Variants in ZNF709 observed in about 807,000 individuals in gnomAD.
ZNF709 encodes the protein zinc finger protein 709.
ZNF709 carries 15 observed loss-of-function variants against 10.6 expected under a neutral mutation model. The observed-to-expected ratio is 1.41, with a 90% CI of 0.95 to 2.18. The LOEUF (loss-of-function observed/expected upper bound fraction) is 2.18, where lower values mean the gene tolerates loss of function less well. ZNF709 is among the 30% of genes most tolerant of loss of function. The pLI, the probability that ZNF709 is intolerant of heterozygous loss-of-function variation, is 0.00. For missense variants in ZNF709, 589 were observed against 774.0 expected, an observed-to-expected ratio of 0.76 and a Z score of 2.84; for synonymous variants, 194 against 238.8, an observed-to-expected ratio of 0.81 and a Z score of 1.73.
chr19:12,464,937 T>A lies in ZNF709; in HGVS notation c.985A>T (p.Ile329Phe). The A allele has an allele frequency of 1.2e-6, 2 of 1,604,418 alleles. No homozygotes were observed. Among genetic ancestry groups the A allele is most frequent in the Middle Eastern group, 1.7e-4 (1 of 5,986 alleles). The change falls in exon 4 of 4, where the codon ATT (isoleucine) becomes TTT (phenylalanine). Residue 329 changes from isoleucine to phenylalanine, a missense_variant. Ile to Phe is a conservative substitution (Grantham distance 21). Coordinates refer to ENST00000397732, the MANE Select transcript of ZNF709 (RefSeq NM_152601.4). ...TCATAGGGTTTCTCTCCTGTATGAA[T>A]TCTTTCATGTTTTCTAAAGGAACTA... ...FPSSFRKHER[I>F]HTGEKPYDCK...
At chr19:12,469,381 C>CT (rs1440406199) in intron 1 of ZNF709, among the ~76,000 whole-genome samples, 1 of 152,144 alleles carries the variant, frequency 6.6e-6, no homozygotes, top group East Asian at 1.9e-4. Flanking sequence ...CCCAGTGTTT[C>CT]TTTTTTCTCC....
rs772871511 is a variant in ZNF709 at position 12,465,015 on chromosome 19, T to C, written c.907A>G (p.Thr303Ala). Residue 303 changes from threonine (T) to alanine (A), a missense_variant, in exon 4 of 4, where the codon ACT becomes GCT. By Grantham distance (58) the Thr-to-Ala change is moderately conservative. This residue lies in a region of ZNF709 where 418 missense variants were observed against 496.3 expected (regional missense o/e 0.84). Coordinates refer to ENST00000397732, the MANE Select transcript of ZNF709 (RefSeq NM_152601.4). ...TTACATTTATAGGGTTTTTCTCCAG[T>C]GTGAATCCTTTCATGACTTCGAAAG... ...TSFRSHERIHTGEKPYKCKKC... is the reference protein window; with the variant it reads ...TSFRSHERIHAGEKPYKCKKC... 2 of 1,611,570 alleles carry C rather than the reference T, an allele frequency of 1.2e-6. No individual in the cohort carries two copies. The highest frequency in any genetic ancestry group is 1.7e-6 in the Non-Finnish European group (2 of 1,179,256).
intron 1 of ZNF709, among the ~76,000 whole-genome samples, chr19:12,470,561 C>T (rs1970626479): frequency 6.6e-6 from 1 of 152,136 alleles, no homozygotes; most frequent in Non-Finnish European, 1.5e-5. Flanking sequence ...GGTCTCCAAA[C>T]ATTTGTTGTC....
Position 12,465,740 on chromosome 19 carries a change from G to T in ZNF709, c.189-7C>A. The T allele has an allele frequency of 1.3e-6, 2 of 1,483,144 alleles. No individual in the cohort carries two copies. The highest frequency in any genetic ancestry group is 1.8e-6 in the Non-Finnish European group (2 of 1,122,084). 91.9% of individuals were successfully genotyped at this position (1,483,144 alleles called of 1,614,324 possible). On this transcript the variant is annotated splice_polypyrimidine_tract_variant and splice_region_variant and intron_variant, in intron 3 of 3. Coordinates refer to ENST00000397732, the MANE Select transcript of ZNF709 (RefSeq NM_152601.4). ...CCTCTCTACCATATGACTTCTGTGA[G>T]AAAAAAACAAAACAAAACGCACAAT...
Position 12,479,264 on chromosome 19 carries a change from T to C in ZNF709, c.3+5391A>G, listed in dbSNP as rs1970701415. On this transcript the variant is annotated intron_variant, in intron 1 of 3. Transcript: ENST00000397732. ...GCTGCAATGAGCTATCATCATGTCA[T>C]TGTACTCCAGCCTGGGCAACAGAAC... Among the ~76,000 whole-genome samples, 5 of 152,144 alleles carry C rather than the reference T, an allele frequency of 3.3e-5. No individual in the cohort carries two copies. The South Asian group carries it at 1.0e-3, about 32-fold the overall frequency.
chr19:12,483,174 G>C (rs1234531617), intron 1 of ZNF709, among the ~76,000 whole-genome samples: 6 of 152,096 alleles, frequency 3.9e-5, no homozygotes, highest in Admixed American at 6.6e-5. Flanking sequence ...CAAGGTGTGA[G>C]ACCTTGCTCA....
rs1970558942 is a variant in ZNF709 at position 12,465,266 on chromosome 19, G to A, written c.656C>T (p.Thr219Ile). The A allele has an allele frequency of 3.1e-6, 5 of 1,612,882 alleles. No homozygotes were observed. Among genetic ancestry groups the A allele is most frequent in the Non-Finnish European group, 3.4e-6 (4 of 1,179,450 alleles). Residue 219 changes from threonine (T) to isoleucine (I), a missense_variant, in exon 4 of 4, where the codon ACA (threonine) becomes ATA (isoleucine). By Grantham distance (89) the Thr-to-Ile change is moderately conservative. Around this residue, in one of 2 missense-constraint regions of ZNF709, gnomAD observed 418 missense variants for 496.3 expected, o/e 0.84. Coordinates refer to ENST00000397732, the MANE Select transcript of ZNF709 (RefSeq NM_152601.4). ...TTTACATTTATAGGGTTTCTCCCCT[G>A]TGTGCATTCTCATGTGTCCTCGAAA... is the stretch of plus-strand genomic sequence containing the variant. ...TTFRGHMRMH[T>I]GEKPYKCKEC...
Position 12,464,254 on chromosome 19 carries a change from T to A in ZNF709, c.1668A>T (p.Gly556=). The change falls in exon 4 of 4, where the codon GGA becomes GGT. Residue 556 remains glycine (G), a synonymous_variant. Coordinates refer to ENST00000397732, the MANE Select transcript of ZNF709 (RefSeq NM_152601.4). The part of the protein sequence containing the change: ...SIRIHERTHT[G]EKPYECKQCG... ...ATTGTTTACACTCATAAGGTTTCTC[T>A]CCAGTGTGAGTCCTTTCATGTATTC... 6.3e-7 allele frequency: 1 copy of A among 1,599,820 alleles called. No individual in the cohort carries two copies. Among genetic ancestry groups the A allele is most frequent in the Non-Finnish European group, 8.5e-7 (1 of 1,173,508 alleles).
At chr19:12,481,072 C>A (rs571603759) in intron 1 of ZNF709, 1 of 705,250 alleles carries the variant, frequency 1.4e-6, no homozygotes, top group Non-Finnish European at 1.7e-6. Flanking sequence ...GCATGAGCCA[C>A]GATGCCTGGC....
Position 12,484,675 on chromosome 19 carries a change from G to T in ZNF709, c.-18C>A, listed in dbSNP as rs1239683247. 1 of 1,613,996 alleles carries T rather than the reference G, an allele frequency of 6.2e-7. No homozygotes were observed. The highest frequency in any genetic ancestry group is 1.1e-5 in the South Asian group (1 of 91,072). ...CTTACCATTTCCCAGACTCTGGGATGTCCTGGTGTTCTGTTTACCTCTCCC... is the reference window on the plus strand; with the variant it reads ...CTTACCATTTCCCAGACTCTGGGATTTCCTGGTGTTCTGTTTACCTCTCCC... On this transcript the variant is annotated 5_prime_UTR_variant, in exon 1 of 4. Transcript: ENST00000397732.
intron 1 of ZNF709, among the ~76,000 whole-genome samples, chr19:12,467,246 T>A (rs1427069582): frequency 6.6e-6 from 1 of 152,168 alleles, no homozygotes; most frequent in African/African-American, 2.4e-5. Context: ...TGCCTGATTC[T>A]CCTGCCTCAG....
chr19:12,466,542 T>A (rs373410635), intron 2 of ZNF709, 23 bp from the exon 3 acceptor site: 1 of 1,612,998 alleles, frequency 6.2e-7, no homozygotes, highest in African/African-American at 1.3e-5. Flanking sequence ...CCCAGAAAAA[T>A]CATTAAACCT....
chr19:12,466,826 C>T lies in ZNF709; in HGVS notation c.28G>A (p.Ala10Thr). 1 of 1,613,846 alleles carries T rather than the reference C, an allele frequency of 6.2e-7. No homozygotes were observed. The highest frequency in any genetic ancestry group is 8.5e-7 in the Non-Finnish European group (1 of 1,179,838). ...CACTCCTCCTGGGTGAAGTTCACAG[C>T]CACATCCTCAAAGACCACTGAGTCC... MDSVVFEDV[A>T]VNFTQEEWAL... Residue 10 changes from alanine to threonine, a missense_variant, in exon 2 of 4, where the codon GCT becomes ACT. Ala to Thr is a moderately conservative substitution (Grantham distance 58). Around this residue, in one of 2 missense-constraint regions of ZNF709, gnomAD observed 418 missense variants for 496.3 expected, o/e 0.84. Transcript: ENST00000397732.
At chr19:12,474,886 T>C (rs1031966040) in intron 1 of ZNF709, among the ~76,000 whole-genome samples, 1 of 152,078 alleles carries the variant, frequency 6.6e-6, no homozygotes, top group Non-Finnish European at 1.5e-5. Flanking sequence ...TCAACTCTAG[T>C]ATAAAAGCTA....
intron 1 of ZNF709, among the ~76,000 whole-genome samples, chr19:12,474,014 C>G (rs546898299): frequency 7.8e-4 from 119 of 152,150 alleles, no homozygotes; most frequent in Non-Finnish European, 1.3e-3. Flanking sequence ...CCATTGCACT[C>G]CAGCCTGGAT....
chr19:12,467,403 G>A (rs1377022545), intron 1 of ZNF709, among the ~76,000 whole-genome samples: 3 of 152,176 alleles, frequency 2.0e-5, no homozygotes, highest in Non-Finnish European at 2.9e-5. Flanking sequence ...TCGGCCTCCC[G>A]AGGTGCCGTG....
Position 12,484,160 on chromosome 19 carries a change from G to A in ZNF709, c.3+495C>T, listed in dbSNP as rs189114917. Among the ~76,000 whole-genome samples the A allele has an allele frequency of 3.9e-3, 594 of 152,346 alleles. 2 individuals are homozygous for A. The highest frequency in any genetic ancestry group is 0.014 in the African/African-American group (564 of 41,586). ...TTTGAAAGAGATCTAGAAATTTAGG[G>A]ATTTAATCCCAGCTCTGGGAAGAGC... On this transcript the variant is annotated intron_variant, in intron 1 of 3. Transcript: ENST00000397732.
At position 12,462,173 on chromosome 19, in the gene ZNF709, T is replaced by C. The variant is rs772136622; in HGVS notation, c.*1823A>G. ...AAGCAGTTAGTGGTGGTTCTAAGAATACTCTCAATTGGCAGAGCAAAGGAT... is the reference window on the plus strand; with the variant it reads ...AAGCAGTTAGTGGTGGTTCTAAGAACACTCTCAATTGGCAGAGCAAAGGAT... On this transcript the variant is annotated 3_prime_UTR_variant, in exon 4 of 4. Coordinates refer to ENST00000397732, the MANE Select transcript of ZNF709 (RefSeq NM_152601.4). 2.0e-5 allele frequency: 3 copies of C among 152,156 alleles called. No homozygotes were observed. Among genetic ancestry groups the C allele is most frequent in the Non-Finnish European group, 4.4e-5 (3 of 68,054 alleles). The allele number at this position is 152,156 out of a possible 1,614,324, so 9.4% of individuals were successfully genotyped here. A position where few individuals can be genotyped will look rare whatever the true frequency, so the allele number is the denominator to read the frequency against.
At position 12,466,853 on chromosome 19, in the gene ZNF709, G is replaced by A; in HGVS notation, c.4-3C>T. The A allele has an allele frequency of 6.2e-7, 1 of 1,613,360 alleles. No individual in the cohort carries two copies. The highest frequency in any genetic ancestry group is 8.5e-7 in the Non-Finnish European group (1 of 1,179,614). On this transcript the variant is annotated splice_polypyrimidine_tract_variant and splice_region_variant and intron_variant, in intron 1 of 3. Coordinates refer to ENST00000397732, the MANE Select transcript of ZNF709 (RefSeq NM_152601.4). ...ACATCCTCAAAGACCACTGAGTCCT[G>A]AAACATCCCACATGTATAGGGGAGG...
Sources: allele counts gnomAD v4.1 joint callset (sites outside exome capture counted in the v4.1 genomes callset), GRCh38; gene constraint gnomAD v4.1.1; regional missense constraint gnomAD v4.1.1; transcripts MANE v1.5; gene names NCBI Gene and HGNC (gene_info 2026-07-23, HGNC 2026-07-21).